The following CEP250 variants were observed in gnomAD, a reference collection of about 807,000 sequenced individuals.
The protein encoded by CEP250 is centrosomal protein 250.
Under a neutral mutation model 315.7 loss-of-function variants are expected in CEP250, and 242 were observed. The ratio of observed to expected loss-of-function variants is 0.77; its 90% confidence interval spans 0.69 to 0.85. The LOEUF is 0.85. CEP250 is among the 40% of genes least tolerant of loss of function. The pLI, the probability that CEP250 is intolerant of heterozygous loss-of-function variation, is 0.00. For missense variants in CEP250, 2,515 were observed against 2,886.4 expected (o/e 0.87, Z 2.95); for synonymous variants, 1,088 against 1,175.0 (o/e 0.93, Z 1.51).
chr20:35,504,138 C>T lies in CEP250; in HGVS notation c.5769C>T (p.Ala1923=). The T allele has an allele frequency of 6.2e-7, 1 of 1,613,868 alleles. No individual in the cohort carries two copies. The change falls in exon 30 of 35, where the codon GCC becomes GCT. Residue 1923 remains alanine, a synonymous_variant. Coordinates refer to ENST00000397527, the MANE Select transcript of CEP250 (RefSeq NM_007186.6). ...QAQEHEVETR[A]LQDSWLQAQA... The stretch of plus-strand genomic sequence containing the variant: ...AGGAGCATGAGGTGGAGACCAGGGC[C>T]CTGCAGGACAGCTGGCTGCAGGCCC...
chr20:35,479,488 A>G, intron 18 of CEP250, 64 bp downstream of exon 18: 1 of 1,559,944 alleles, frequency 6.4e-7, no homozygotes, highest in Non-Finnish European at 8.7e-7. Flanking sequence ...GCGTGAAGCT[A>G]AGCTCCCTGC....
intron 13 of CEP250, 142 bp downstream of exon 13, chr20:35,473,694 CA>C (rs1364320277): frequency 9.2e-7 from 1 of 1,091,708 alleles, no homozygotes; most frequent in East Asian, 2.7e-5. Context: ...CCCAGTGTTT[CA>C]CTTGTTTCTC....
chr20:35,474,742 T>C (rs1411756963), intron 14 of CEP250: 3 of 468,422 alleles, frequency 6.4e-6, no homozygotes, highest in Admixed American at 4.7e-5. Flanking sequence ...AAATTATGGC[T>C]CTGTCACATG....
chr20:35,499,332 A>G (rs2147121096), intron 27 of CEP250, among the ~76,000 whole-genome samples: 1 of 152,318 alleles, frequency 6.6e-6, no homozygotes, highest in South Asian at 2.1e-4. Context: ...ATCATCTTCC[A>G]CTCAGCTATG....
intron 14 of CEP250, chr20:35,474,890 A>G: frequency 2.1e-6 from 1 of 470,242 alleles, no homozygotes; most frequent in Non-Finnish European, 4.4e-6. Context: ...ATATATCTTC[A>G]TCTTTGCTGT....
At chr20:35,498,458 TG>T in intron 26 of CEP250, 136 bp from the exon 27 acceptor site, 1 of 1,053,410 alleles carries the variant, frequency 9.5e-7, no homozygotes, top group South Asian at 1.5e-5. Flanking sequence ...AGAAAATATG[TG>T]ATGAGTGAAC....
rs940441845 is a variant in CEP250, at chr20:35,515,686, A to C, written c.*4060A>C. On this transcript the variant is annotated 3_prime_UTR_variant, in exon 35 of 35. Coordinates refer to ENST00000397527, the MANE Select transcript of CEP250 (RefSeq NM_007186.6). Reference sequence around the variant, plus strand: ...TACCTCACCTCCTGCCTTCTGACCCAGTACTCTGCAGAGCGGGGGAATGGG... The same window carrying C: ...TACCTCACCTCCTGCCTTCTGACCCCGTACTCTGCAGAGCGGGGGAATGGG... The C allele has an allele frequency of 1.3e-5, 2 of 152,306 alleles. No homozygotes were observed. The highest frequency in any genetic ancestry group is 2.9e-5 in the Non-Finnish European group (2 of 68,122). 9.4% of individuals were successfully genotyped at this position (152,306 alleles called of 1,614,324 possible).
intron 9 of CEP250, among the ~76,000 whole-genome samples, chr20:35,469,287 A>G (rs1045917545): frequency 6.6e-6 from 1 of 152,056 alleles, no homozygotes; most frequent in African/African-American, 2.4e-5. Context: ...ACAGAGCAAG[A>G]CCCTGTCTCA....
chr20:35,498,555 T>C (rs1432463120), intron 26 of CEP250, 40 bp from the exon 27 acceptor site: 3 of 1,600,820 alleles, frequency 1.9e-6, no homozygotes, highest in African/African-American at 2.7e-5. Flanking sequence ...TTTCTTTTCA[T>C]AGTGGCAGCC....
At chr20:35,457,399 CT>C (rs1276319655) in intron 1 of CEP250, among the ~76,000 whole-genome samples, 2 of 151,798 alleles carry the variant, frequency 1.3e-5, no homozygotes, top group African/African-American at 4.8e-5. Flanking sequence ...ATTTGAGCAT[CT>C]TGTCCCAGGC....
rs560733839 is a variant in CEP250, at chr20:35,490,886, G to A, written c.2754+82G>A. ...CCACTTCCTTTTCTACTCCCAAGAGGAGTGCTGCAGAGGGGCTTCCAGAAG... is the reference window on the plus strand; with the variant it reads ...CCACTTCCTTTTCTACTCCCAAGAGAAGTGCTGCAGAGGGGCTTCCAGAAG... On this transcript the variant is annotated intron_variant, in intron 21 of 34. Transcript: ENST00000397527. 1.8e-3 allele frequency: 2,631 copies of A among 1,496,192 alleles called. 2 individuals are homozygous for A. Among genetic ancestry groups the A allele is most frequent in the Non-Finnish European group, 2.2e-3 (2,414 of 1,102,912 alleles). 92.7% of individuals were successfully genotyped at this position (1,496,192 alleles called of 1,614,324 possible).
At chr20:35,480,446 A>C (rs1290392177) in intron 20 of CEP250, among the ~76,000 whole-genome samples, 1 of 152,006 alleles carries the variant, frequency 6.6e-6, no homozygotes, top group Non-Finnish European at 1.5e-5. Context: ...GGGGGAGAGG[A>C]ATATCTTGGA....
intron 25 of CEP250, 56 bp from the exon 26 acceptor site, chr20:35,497,663 C>A: frequency 7.8e-7 from 1 of 1,284,626 alleles, no homozygotes; most frequent in Non-Finnish European, 1.1e-6. Context: ...CCTGGGAAGG[C>A]CTGAGGAGAG....
In CEP250 at chr20:35,494,530, G is replaced by C; in HGVS notation, c.3040G>C (p.Asp1014His). 2 of 1,613,830 alleles carry C rather than the reference G, an allele frequency of 1.2e-6. No individual in the cohort carries two copies. The highest frequency in any genetic ancestry group is 1.7e-6 in the Non-Finnish European group (2 of 1,179,996). Residue 1014 changes from aspartate (D) to histidine (H), a missense_variant, in exon 24 of 35, where the codon GAC becomes CAC. Physicochemically the swap from Asp to His is moderately conservative, Grantham distance 81. Coordinates refer to ENST00000397527, the MANE Select transcript of CEP250 (RefSeq NM_007186.6). Reference sequence around the variant, plus strand: ...CATGCCCTTAATTTTCCAGGTGGAGGACTTGAAGTCTCAGCTGGTGGCCCA... The same window carrying C: ...CATGCCCTTAATTTTCCAGGTGGAGCACTTGAAGTCTCAGCTGGTGGCCCA... ...DKMDLQKQVE[D>H]LKSQLVAQDD...
At position 35,501,978 on chromosome 20, in the gene CEP250, C is replaced by A. The variant is rs1307835572; in HGVS notation, c.4020+12C>A. 6.2e-7 allele frequency: 1 copy of A among 1,609,396 alleles called. No homozygotes were observed. The highest frequency in any genetic ancestry group is 2.2e-5 in the East Asian group (1 of 44,872). ...GAATGGAAGCCCAGGTAAAGTGGTA[C>A]TGGTTTCAGGGAGGGGTTTGCCTCA... On this transcript the variant is annotated intron_variant, in intron 29 of 34. Transcript: ENST00000397527.
chr20:35,494,499 G>T (rs1373952664), intron 23 of CEP250, 25 bp from the exon 24 acceptor site: 2 of 1,612,734 alleles, frequency 1.2e-6, no homozygotes, highest in African/African-American at 1.3e-5. Flanking sequence ...CTGCCATCTT[G>T]GTCTTCATGC....
intron 25 of CEP250, 66 bp from the exon 26 acceptor site, chr20:35,497,653 C>T: frequency 1.7e-6 from 2 of 1,153,770 alleles, no homozygotes; most frequent in South Asian, 1.5e-5. Flanking sequence ...TGGGGTCTGG[C>T]CTGGGAAGGC....
At chr20:35,487,087 T>C (rs1273918931) in intron 20 of CEP250, among the ~76,000 whole-genome samples, 1 of 152,172 alleles carries the variant, frequency 6.6e-6, no homozygotes, top group African/African-American at 2.4e-5. Context: ...TCTCTATGAT[T>C]GAGCAGGTCA....
In CEP250 at chr20:35,494,550, G is replaced by A; in HGVS notation, c.3060G>A (p.Val1020=). The change falls in exon 24 of 35, where the codon GTG becomes GTA. Residue 1020 remains valine, a synonymous_variant. Coordinates refer to ENST00000397527, the MANE Select transcript of CEP250 (RefSeq NM_007186.6). ...KQVEDLKSQL[V]AQDDSQRLVE... ...TGGAGGACTTGAAGTCTCAGCTGGTGGCCCAGGATGACTCCCAGAGGCTGG... is the reference window on the plus strand; with the variant it reads ...TGGAGGACTTGAAGTCTCAGCTGGTAGCCCAGGATGACTCCCAGAGGCTGG... 1 of 1,614,070 alleles carries A rather than the reference G, an allele frequency of 6.2e-7. No individual in the cohort carries two copies. Among genetic ancestry groups the A allele is most frequent in the Admixed American group, 1.7e-5 (1 of 60,022 alleles).
Sources: allele counts gnomAD v4.1 joint callset (sites outside exome capture counted in the v4.1 genomes callset), GRCh38; gene constraint gnomAD v4.1.1; transcripts MANE v1.5; gene names NCBI Gene and HGNC (gene_info 2026-07-23, HGNC 2026-07-21).